GRIN2B: variants seen among roughly 807,000 people sequenced by gnomAD.
GRIN2B encodes the protein glutamate ionotropic receptor NMDA type subunit 2B, also known as glutamate receptor ionotropic, NMDA 2B.
A neutral mutation model predicts 114.5 loss-of-function variants in GRIN2B; 5 were observed. The ratio of observed to expected loss-of-function variants is 0.04; its 90% confidence interval spans 0.02 to 0.09. GRIN2B has a LOEUF of 0.09. Ranked by LOEUF, GRIN2B falls within the 10% of genes least tolerant of loss-of-function variation. GRIN2B has a pLI of 1.00. For synonymous variants in GRIN2B, 787 were observed against 745.1 expected, an observed-to-expected ratio of 1.06 and a Z score of -0.92; for missense variants, 1,108 against 1,943.5, an observed-to-expected ratio of 0.57 and a Z score of 8.08.
chr12:13,697,080 A>G (rs962396611), intron 4 of GRIN2B, among the ~76,000 whole-genome samples: 5 of 152,110 alleles, frequency 3.3e-5, no homozygotes, highest in African/African-American at 1.2e-4. Context: ...AGCTCTTGGA[A>G]AATCAGGCCC....
rs1253779773 is a variant in GRIN2B at position 13,547,050 on chromosome 12, G to A, written c.*15733C>T. Reference sequence around the variant, plus strand: ...CCAACTTCCTAAGTTAAAAAATGATGAGAAAACCATGAAAAATTACTGTCA... The same window carrying A: ...CCAACTTCCTAAGTTAAAAAATGATAAGAAAACCATGAAAAATTACTGTCA... On this transcript the variant is annotated 3_prime_UTR_variant, in exon 14 of 14. Transcript: ENST00000609686. 1 of 152,146 alleles carries A rather than the reference G, an allele frequency of 6.6e-6. No individual in the cohort carries two copies. Among genetic ancestry groups the A allele is most frequent in the African/African-American group, 2.4e-5 (1 of 41,426 alleles). 9.4% of individuals were successfully genotyped at this position (152,146 alleles called of 1,614,324 possible).
At chr12:13,738,911 T>C (rs1390931477) in intron 4 of GRIN2B, among the ~76,000 whole-genome samples, 1 of 152,056 alleles carries the variant, frequency 6.6e-6, no homozygotes, top group Non-Finnish European at 1.5e-5. Context: ...TCTTAAAGCT[T>C]CTCAGGAAAT....
chr12:13,667,272 T>A (rs543395402), intron 5 of GRIN2B, among the ~76,000 whole-genome samples: 6 of 152,298 alleles, frequency 3.9e-5, no homozygotes, highest in Admixed American at 3.9e-4. Flanking sequence ...GCGCACTGTA[T>A]GAGAAGATCA....
At chr12:13,638,388 T>C (rs1363647719) in intron 5 of GRIN2B, among the ~76,000 whole-genome samples, 1 of 152,076 alleles carries the variant, frequency 6.6e-6, no homozygotes, top group African/African-American at 2.4e-5. Context: ...AACCAAGACA[T>C]GTCCACGTGA....
intron 3 of GRIN2B, among the ~76,000 whole-genome samples, chr12:13,809,735 A>C (rs1864690897): frequency 6.6e-6 from 1 of 152,218 alleles, no homozygotes; most frequent in Non-Finnish European, 1.5e-5. Flanking sequence ...GTGCTAAATG[A>C]ATACTGAATA....
chr12:13,603,817 G>C (rs1228065773), intron 10 of GRIN2B, among the ~76,000 whole-genome samples: 2 of 151,888 alleles, frequency 1.3e-5, no homozygotes, highest in African/African-American at 4.8e-5. Context: ...CTGGCAGAGT[G>C]ATTTTGGAGC....
intron 10 of GRIN2B, among the ~76,000 whole-genome samples, chr12:13,601,946 T>C (rs1949166818): frequency 6.6e-6 from 1 of 152,114 alleles, no homozygotes; most frequent in Non-Finnish European, 1.5e-5. Context: ...TCTTAAATAA[T>C]GCCAGATAAG....
intron 1 of GRIN2B, among the ~76,000 whole-genome samples, chr12:13,980,823 C>G (rs1182927327): frequency 1.3e-5 from 2 of 152,228 alleles, no homozygotes; most frequent in Non-Finnish European, 1.5e-5. Context: ...CCTCCCACCC[C>G]GGGCTTGTGC....
At chr12:13,890,756 C>G (rs532649153) in intron 2 of GRIN2B, among the ~76,000 whole-genome samples, 4 of 152,080 alleles carry the variant, frequency 2.6e-5, no homozygotes, top group African/African-American at 9.7e-5. Flanking sequence ...CATGGAAGGG[C>G]CCATGAAATT....
At chr12:13,825,518 G>GTGTGTGTGTT (rs1435785184) in intron 3 of GRIN2B, among the ~76,000 whole-genome samples, 4 of 145,926 alleles carry the variant, frequency 2.7e-5, no homozygotes, top group Non-Finnish European at 6.0e-5. Context: ...GTGTGTGTGT[G>GTGTGTGTGTT]TGTGTGTGTG....
In GRIN2B at chr12:13,560,094, C is replaced by T. The variant is rs1196731927; in HGVS notation, c.*2689G>A. ...GGGTTTGCTTAGAGCCAAATTGAAC[C>T]CTATGTAAAACCCTGGCCAAAGTGC... On this transcript the variant is annotated 3_prime_UTR_variant, in exon 14 of 14. Coordinates refer to ENST00000609686, the MANE Select transcript of GRIN2B (RefSeq NM_000834.5). 6.6e-6 allele frequency: 1 copy of T among 152,040 alleles called. No homozygotes were observed. Among genetic ancestry groups the T allele is most frequent in the African/African-American group, 2.4e-5 (1 of 41,366 alleles). 9.4% of individuals were successfully genotyped at this position (152,040 alleles called of 1,614,324 possible).
chr12:13,830,849 C>T (rs756348530), intron 3 of GRIN2B, among the ~76,000 whole-genome samples: 6 of 152,194 alleles, frequency 3.9e-5, no homozygotes, highest in Admixed American at 6.5e-5. Flanking sequence ...ACATCGTGGT[C>T]ATCTGCCCTG....
chr12:13,621,866 CT>C (rs1176924714), intron 5 of GRIN2B, among the ~76,000 whole-genome samples: 1 of 152,082 alleles, frequency 6.6e-6, no homozygotes, highest in Middle Eastern at 3.2e-3. Context: ...TCCTCCATTA[CT>C]GCCAGTGAAA....
rs143490503 is a variant in GRIN2B at position 13,714,153 on chromosome 12, C to A, written c.1011-38294G>T. ...TCTCTCCTTCCTGTCCTCCCTCCCC[C>A]ACCCACCACTCCTGATGGATTGGAG... On this transcript the variant is annotated intron_variant, in intron 4 of 13. Transcript: ENST00000609686. 1.3e-3 allele frequency among the ~76,000 whole-genome samples: 204 copies of A among 151,944 alleles called. 1 individual carries two copies. Among genetic ancestry groups the A allele is most frequent in the African/African-American group, 4.8e-3 (199 of 41,504 alleles).
intron 3 of GRIN2B, among the ~76,000 whole-genome samples, chr12:13,792,051 C>T (rs966378376): frequency 4.6e-5 from 7 of 152,208 alleles, no homozygotes; most frequent in Non-Finnish European, 1.0e-4. Context: ...GATGAGAACA[C>T]GCCATATTCG....
chr12:13,955,073 GAGA>G (rs1482459373), intron 2 of GRIN2B, among the ~76,000 whole-genome samples: 4 of 151,944 alleles, frequency 2.6e-5, no homozygotes, highest in Admixed American at 6.6e-5. Context: ...TCTATTCCAG[GAGA>G]AGAAGATTTG....
chr12:13,952,970 T>G (rs1324884766), intron 2 of GRIN2B, among the ~76,000 whole-genome samples: 1 of 150,982 alleles, frequency 6.6e-6, no homozygotes, highest in Non-Finnish European at 1.5e-5. Flanking sequence ...GGTTAGGAGT[T>G]TGGGTAGGGC....
chr12:13,676,016 A>C (rs1389831369), intron 4 of GRIN2B, among the ~76,000 whole-genome samples, 157 bp from the exon 5 acceptor site: 1 of 152,182 alleles, frequency 6.6e-6, no homozygotes, highest in Non-Finnish European at 1.5e-5. Context: ...CTCGCATTTG[A>C]TTATGCAATA....
intron 5 of GRIN2B, among the ~76,000 whole-genome samples, chr12:13,619,024 A>C (rs1231125228): frequency 6.6e-6 from 1 of 152,218 alleles, no homozygotes; most frequent in Non-Finnish European, 1.5e-5. Context: ...CTGCCAACAT[A>C]GAAAAAAGTC....
Sources: allele counts gnomAD v4.1 joint callset (sites outside exome capture counted in the v4.1 genomes callset), GRCh38; gene constraint gnomAD v4.1.1; transcripts MANE v1.5; gene names NCBI Gene and HGNC (gene_info 2026-07-23, HGNC 2026-07-21).